Variants in TUSC3 observed in about 807,000 individuals in gnomAD.
The protein encoded by TUSC3 is dolichyl-diphosphooligosaccharide--protein glycosyltransferase subunit TUSC3.
A neutral mutation model predicts 44.8 loss-of-function variants in TUSC3; 45 were observed. The observed-to-expected ratio is 1.00, with a 90% CI of 0.79 to 1.29. The LOEUF (loss-of-function observed/expected upper bound fraction) is 1.29. TUSC3 is among the 50% of genes most tolerant of loss of function. TUSC3 has a pLI of 0.00. For missense variants in TUSC3, 519 were observed against 437.9 expected, an observed-to-expected ratio of 1.19 and a Z score of -1.65; for synonymous variants, 212 against 152.9, an observed-to-expected ratio of 1.39 and a Z score of -2.85.
At chr8:15,797,555 C>T in the TUSC3 span, among the ~76,000 whole-genome samples, 1 of 152,184 alleles carries the variant, frequency 6.6e-6, no homozygotes, top group Non-Finnish European at 1.5e-5. Flanking sequence ...GATGAACATT[C>T]TGACTTGGCA....
chr8:15,523,682 G>GTATATATA (rs1167010172), intron 2 of TUSC3, among the ~76,000 whole-genome samples: 33 of 38,650 alleles, frequency 8.5e-4, no homozygotes, highest in African/African-American at 2.3e-3. Flanking sequence ...GTGTGTGTGT[G>GTATATATA]TGTGTGTGTG....
At chr8:15,848,771 G>A in the TUSC3 span, among the ~76,000 whole-genome samples, 6 of 152,090 alleles carry the variant, frequency 3.9e-5, no homozygotes, top group Admixed American at 3.3e-4. Flanking sequence ...GGTTTGAGTT[G>A]GTTTCTGTAA....
At chr8:15,806,940 G>A in the TUSC3 span, 1 of 1,452,494 alleles carries the variant, frequency 6.9e-7, no homozygotes, top group Non-Finnish European at 9.7e-7. Flanking sequence ...TTTCTTCTCT[G>A]ACATAACTCT....
At chr8:15,582,647 G>A (rs553040471) in intron 1 of TUSC3, among the ~76,000 whole-genome samples, 1 of 152,268 alleles carries the variant, frequency 6.6e-6, no homozygotes, top group South Asian at 2.1e-4. Context: ...AGGCTAGGGG[G>A]ATAAAGCACT....
At chr8:15,447,186 G>A (rs1342785926) in intron 1 of TUSC3, among the ~76,000 whole-genome samples, 3 of 152,024 alleles carry the variant, frequency 2.0e-5, no homozygotes, top group Non-Finnish European at 2.9e-5. Flanking sequence ...AGTTATTCAG[G>A]AAAACCAGGT....
the TUSC3 span, among the ~76,000 whole-genome samples, chr8:15,843,596 ATATATATATAT>A: frequency 7.3e-6 from 1 of 136,146 alleles, no homozygotes; most frequent in Non-Finnish European, 1.6e-5. Context: ...TGATGTACAT[ATATATATATAT>A]ATATATATAT....
intron 2 of TUSC3, among the ~76,000 whole-genome samples, chr8:15,507,206 AAAAG>A (rs1479671075): frequency 6.6e-6 from 1 of 152,192 alleles, no homozygotes; most frequent in Non-Finnish European, 1.5e-5. Flanking sequence ...TGCATTCATT[AAAAG>A]AAACAAAGTG....
chr8:15,739,515 A>G (rs1811096223), intron 7 of TUSC3, among the ~76,000 whole-genome samples: 1 of 152,156 alleles, frequency 6.6e-6, no homozygotes, highest in Admixed American at 6.5e-5. Context: ...AAAATGCTAT[A>G]TTGTTACTGC....
intron 1 of TUSC3, among the ~76,000 whole-genome samples, chr8:15,553,208 G>A (rs547167992): frequency 4.0e-5 from 6 of 151,810 alleles, no homozygotes; most frequent in African/African-American, 1.4e-4. Flanking sequence ...TTCGATCTGG[G>A]CTGATGATAA....
chr8:15,631,867 G>C (rs983897982), intron 2 of TUSC3, among the ~76,000 whole-genome samples: 1 of 151,904 alleles, frequency 6.6e-6, no homozygotes, highest in African/African-American at 2.4e-5. Context: ...CGCCATGCCT[G>C]GCTAAATTTT....
intron 2 of TUSC3, among the ~76,000 whole-genome samples, chr8:15,514,568 T>G (rs1356671893): frequency 1.3e-5 from 2 of 152,242 alleles, no homozygotes; most frequent in Non-Finnish European, 2.9e-5. Context: ...GCCCAGAGTT[T>G]CATGCCTCGT....
At chr8:15,692,357 A>ACCC (rs57593991) in intron 6 of TUSC3, among the ~76,000 whole-genome samples, 17 of 88,124 alleles carry the variant, frequency 1.9e-4, no homozygotes, top group East Asian at 4.1e-4. Flanking sequence ...TTGGGAGGAG[A>ACCC]CCCCCCCCCC....
chr8:15,521,093 C>T (rs1801291399), intron 2 of TUSC3, among the ~76,000 whole-genome samples: 1 of 152,178 alleles, frequency 6.6e-6, no homozygotes, highest in Admixed American at 6.5e-5. Flanking sequence ...CAGGGCATTC[C>T]TGGATGGCAG....
intron 2 of TUSC3, among the ~76,000 whole-genome samples, chr8:15,495,005 T>C (rs867847768): frequency 6.6e-6 from 1 of 152,210 alleles, no homozygotes; most frequent in African/African-American, 2.4e-5. Context: ...ACATGCAGTA[T>C]TTGGTTTGCT....
Position 15,428,401 on chromosome 8 carries a change from G to C in TUSC3, n.91+11096G>C, listed in dbSNP as rs560313255. Among the ~76,000 whole-genome samples the C allele has an allele frequency of 3.8e-4, 57 of 151,852 alleles. 2 individuals carry two copies. In the South Asian group the frequency reaches 0.011, roughly 29 times the overall value. Reference sequence around the variant, plus strand: ...ACATTTGGGTTGGTTCCAAGTCTTTGCTATTGTGAATAGTGCCGCAATAAA... The same window carrying C: ...ACATTTGGGTTGGTTCCAAGTCTTTCCTATTGTGAATAGTGCCGCAATAAA... On this transcript the variant is annotated intron_variant and non_coding_transcript_variant, in intron 1 of 5. Coordinates refer to the TUSC3 transcript ENST00000503191.
chr8:15,422,752 C>T (rs1799753461), intron 1 of TUSC3, among the ~76,000 whole-genome samples: 1 of 151,910 alleles, frequency 6.6e-6, no homozygotes, highest in African/African-American at 2.4e-5. Context: ...CCCCAGGCGC[C>T]CCACCTCAGC....
the TUSC3 span, among the ~76,000 whole-genome samples, chr8:15,845,497 G>A: frequency 1.1e-4 from 16 of 152,140 alleles, no homozygotes; most frequent in Admixed American, 4.6e-4. Flanking sequence ...ATCACTGAAC[G>A]AGATGATCTC....
intron 3 of TUSC3, among the ~76,000 whole-genome samples, chr8:15,659,110 C>T (rs1261353145): frequency 6.6e-6 from 1 of 152,022 alleles, no homozygotes; most frequent in Admixed American, 6.6e-5. Context: ...AAACAAATTC[C>T]AGTACTTTTT....
intron 1 of TUSC3, among the ~76,000 whole-genome samples, chr8:15,423,800 A>G (rs1263156150): frequency 6.6e-6 from 1 of 151,644 alleles, no homozygotes; most frequent in Non-Finnish European, 1.5e-5. Flanking sequence ...ATATCCATAA[A>G]CCTGTCTCGC....
Sources: gnomAD v4.1 joint callset for allele counts (sites outside exome capture counted in the v4.1 genomes callset) on GRCh38, gnomAD v4.1.1 for gene constraint, MANE v1.5 for transcripts, NCBI Gene and HGNC (gene_info 2026-07-23, HGNC 2026-07-21) for gene names.